The following ZNF804B variants were observed in gnomAD, a reference collection of about 807,000 sequenced individuals.
ZNF804B encodes zinc finger protein 804B.
A neutral mutation model predicts 101.4 loss-of-function variants in ZNF804B; 80 were observed. That is an observed-to-expected ratio of 0.79 (90% confidence interval 0.66 to 0.95). The LOEUF (loss-of-function observed/expected upper bound fraction) is 0.95. Ranked by LOEUF, ZNF804B falls within the 40% of genes least tolerant of loss-of-function variation. ZNF804B has a pLI of 0.00. For missense variants in ZNF804B, 1,673 were observed against 1,561.9 expected (o/e 1.07, Z -1.20); for synonymous variants, 622 against 558.8 (o/e 1.11, Z -1.59).
chr7:89,069,643 T>A (rs1204459416), intron 1 of ZNF804B, among the ~76,000 whole-genome samples: 1 of 152,162 alleles, frequency 6.6e-6, no homozygotes, highest in Non-Finnish European at 1.5e-5. Context: ...AATATTCCAT[T>A]TTATGATTGC....
intron 1 of ZNF804B, among the ~76,000 whole-genome samples, chr7:88,924,544 T>C (rs1792767833): frequency 6.6e-6 from 1 of 152,154 alleles, no homozygotes; most frequent in Admixed American, 6.6e-5. Context: ...TTTACCTCTA[T>C]ACCCCCTGCA....
intron 2 of ZNF804B, among the ~76,000 whole-genome samples, chr7:89,239,556 T>C (rs1467068060): frequency 6.6e-6 from 1 of 152,156 alleles, no homozygotes; most frequent in Non-Finnish European, 1.5e-5. Context: ...CTTCTGAACA[T>C]GTAAGGAACT....
At chr7:89,119,740 G>A (rs1382622361) in intron 1 of ZNF804B, among the ~76,000 whole-genome samples, 2 of 152,074 alleles carry the variant, frequency 1.3e-5, no homozygotes, top group Non-Finnish European at 2.9e-5. Context: ...CTTAAATCAA[G>A]CAAGCTAATA....
At chr7:89,041,107 A>G (rs1789010248) in intron 1 of ZNF804B, among the ~76,000 whole-genome samples, 1 of 152,226 alleles carries the variant, frequency 6.6e-6, no homozygotes, top group East Asian at 1.9e-4. Context: ...ACCTTGGTCT[A>G]TAGGGACTGG....
intron 1 of ZNF804B, among the ~76,000 whole-genome samples, chr7:88,931,814 TG>T (rs1458148894): frequency 2.6e-5 from 4 of 152,028 alleles, no homozygotes; most frequent in South Asian, 2.1e-4. Flanking sequence ...AGTGATTCAA[TG>T]TTTTTTTTAA....
intron 1 of ZNF804B, among the ~76,000 whole-genome samples, chr7:88,806,793 ATAT>A (rs1790699351): frequency 1.3e-5 from 2 of 152,254 alleles, no homozygotes; most frequent in Middle Eastern, 3.4e-3. Context: ...CAGGGAGGTG[ATAT>A]TTAATAAGTT....
intron 2 of ZNF804B, among the ~76,000 whole-genome samples, chr7:89,319,078 G>A (rs1790775070): frequency 6.6e-6 from 1 of 152,120 alleles, no homozygotes; most frequent in African/African-American, 2.4e-5. Context: ...GCCTTTAAGT[G>A]GTTTTCCGCC....
intron 1 of ZNF804B, among the ~76,000 whole-genome samples, chr7:89,203,088 C>G (rs548902217): frequency 2.5e-4 from 38 of 152,168 alleles, no homozygotes; most frequent in African/African-American, 8.4e-4. Context: ...CTCAGTATGG[C>G]TTGTTGAGTT....
intron 1 of ZNF804B, among the ~76,000 whole-genome samples, chr7:89,086,933 T>C (rs1236664516): frequency 6.6e-6 from 1 of 151,734 alleles, no homozygotes; most frequent in Non-Finnish European, 1.5e-5. Flanking sequence ...TATACATATG[T>C]AACAAACCTG....
chr7:89,160,693 G>A (rs1033314374), intron 1 of ZNF804B, among the ~76,000 whole-genome samples: 1 of 151,986 alleles, frequency 6.6e-6, no homozygotes, highest in African/African-American at 2.4e-5. Context: ...AACCATTTGG[G>A]ACTTTTGTGG....
intron 1 of ZNF804B, among the ~76,000 whole-genome samples, chr7:89,121,119 AC>A (rs1266624902): frequency 6.6e-6 from 1 of 152,138 alleles, no homozygotes; most frequent in Non-Finnish European, 1.5e-5. Context: ...CCTGTGTCAC[AC>A]CCCACACCAG....
chr7:89,216,656 T>C (rs1463798970), intron 1 of ZNF804B, among the ~76,000 whole-genome samples: 2 of 152,222 alleles, frequency 1.3e-5, no homozygotes, highest in Admixed American at 6.5e-5. Flanking sequence ...TCTTTCTTTT[T>C]GCCATGTGTT....
At chr7:89,114,505 G>A (rs1366091624) in intron 1 of ZNF804B, among the ~76,000 whole-genome samples, 2 of 152,156 alleles carry the variant, frequency 1.3e-5, no homozygotes, top group African/African-American at 4.8e-5. Flanking sequence ...ATAGATGGAT[G>A]AATAAGACAT....
At chr7:89,223,685 A>G (rs1336910833) in intron 2 of ZNF804B, among the ~76,000 whole-genome samples, 2 of 149,812 alleles carry the variant, frequency 1.3e-5, no homozygotes, top group African/African-American at 2.5e-5. Context: ...CCTGTCTCCA[A>G]AAAAAAAATT....
chr7:89,078,640 A>AT (rs35025345), intron 1 of ZNF804B, among the ~76,000 whole-genome samples: 9,036 of 137,224 alleles, frequency 0.066, 544 homozygotes, highest in African/African-American at 0.17. Context: ...GTCTAACACG[A>AT]TTTTTTTTTT....
At chr7:88,794,999 A>G (rs1790456755) in intron 1 of ZNF804B, 4 of 1,446,330 alleles carry the variant, frequency 2.8e-6, no homozygotes, top group Non-Finnish European at 3.7e-6. Flanking sequence ...CATAATATTT[A>G]TGCTGCCAGG....
At chr7:89,156,969 C>T (rs921065544) in intron 1 of ZNF804B, among the ~76,000 whole-genome samples, 1 of 152,122 alleles carries the variant, frequency 6.6e-6, no homozygotes, top group Non-Finnish European at 1.5e-5. Context: ...GTGGGGTCTA[C>T]CCTTTTCGCT....
At position 88,761,249 on chromosome 7, in the gene ZNF804B, C is replaced by T. The variant is rs185171430; in HGVS notation, c.108+1165C>T. On this transcript the variant is annotated intron_variant, in intron 1 of 3. Transcript: ENST00000333190. The stretch of plus-strand genomic sequence containing the variant: ...TATCACTAGGATTCCTCATGACAAA[C>T]TATTCCTTCACATGCTTTTATGTAC... Among the ~76,000 whole-genome samples the T allele has an allele frequency of 4.5e-3, 690 of 152,214 alleles. 3 individuals are homozygous for T. Among genetic ancestry groups the T allele is most frequent in the Non-Finnish European group, 7.4e-3 (500 of 68,004 alleles).
Position 89,003,680 on chromosome 7 carries a change from G to T in ZNF804B, c.109-214475G>T, listed in dbSNP as rs182792617. Among the ~76,000 whole-genome samples, 31 of 152,080 alleles carry T rather than the reference G, an allele frequency of 2.0e-4. No homozygotes were observed. The East Asian group carries it at 6.0e-3, about 29-fold the overall frequency. On this transcript the variant is annotated intron_variant, in intron 1 of 3. Coordinates refer to ENST00000333190, the MANE Select transcript of ZNF804B (RefSeq NM_181646.5). ...ACTAAATGGATGCCAGAATCAGAAT[G>T]AAATCAAAATGTTCAGATTCAAAGC...
Sources: allele counts gnomAD v4.1 joint callset (sites outside exome capture counted in the v4.1 genomes callset), GRCh38; gene constraint gnomAD v4.1.1; transcripts MANE v1.5; gene names NCBI Gene and HGNC (gene_info 2026-07-23, HGNC 2026-07-21).